COL4A1: variants seen among roughly 807,000 people sequenced by gnomAD.
COL4A1 encodes collagen alpha-1(IV) chain.
COL4A1 carries 40 observed loss-of-function variants against 216.6 expected under a neutral mutation model. That is an observed-to-expected ratio of 0.18 (90% CI 0.14 to 0.24). The LOEUF is 0.24. Among genes scored for constraint, COL4A1 ranks in the 10% least tolerant of loss-of-function variants. COL4A1 has a pLI of 1.00. For missense variants in COL4A1, 1,628 were observed against 2,196.8 expected (o/e 0.74, Z 5.18); for synonymous variants, 839 against 810.7 (o/e 1.03, Z -0.59).
At chr13:110,160,968 C>T (rs1272505087) in intron 49 of COL4A1, 4 of 578,562 alleles carry the variant, frequency 6.9e-6, no homozygotes, top group Non-Finnish European at 1.2e-5. Context: ...CTCGGCTTCC[C>T]AAAGTGTTGG....
rs201126599 is a variant in COL4A1, at chr13:110,251,496, A to AC, written c.85-8763dup. On this transcript the variant is annotated intron_variant, in intron 1 of 51. Transcript: ENST00000375820. ...TACTGCACGCCTGCATGGGCCAGGC[A>AC]CCCCCCAGTGCTAAGAATACAGAGC... is the stretch of plus-strand genomic sequence containing the variant. Among the ~76,000 whole-genome samples, 735 of 152,314 alleles carry AC rather than the reference A, an allele frequency of 4.8e-3. 5 individuals are homozygous for AC. Among genetic ancestry groups the AC allele is most frequent in the African/African-American group, 0.016 (681 of 41,556 alleles).
chr13:110,211,193 A>C lies in COL4A1; in HGVS notation c.468+454T>G, dbSNP rs1463827063. Reference sequence around the variant, plus strand: ...GCTGATCCCAACATCCAGATGCCCGAGGTCCCCGCCCTGTGCCCAAGCACA... The same window carrying C: ...GCTGATCCCAACATCCAGATGCCCGCGGTCCCCGCCCTGTGCCCAAGCACA... On this transcript the variant is annotated intron_variant, in intron 8 of 51. Transcript: ENST00000375820. The surrounding 1 kb of genome is among the most constrained non-coding windows in gnomAD (Gnocchi z 4.3). 6.6e-6 allele frequency among the ~76,000 whole-genome samples: 1 copy of C among 152,214 alleles called. No individual in the cohort carries two copies.
chr13:110,248,612 C>G (rs1881941974), intron 1 of COL4A1, among the ~76,000 whole-genome samples: 1 of 152,244 alleles, frequency 6.6e-6, no homozygotes, highest in Non-Finnish European at 1.5e-5. Flanking sequence ...CTGCCTCAGC[C>G]TCCCGAGTGG....
intron 1 of COL4A1, among the ~76,000 whole-genome samples, chr13:110,243,666 T>A (rs1881662606): frequency 6.6e-6 from 1 of 152,190 alleles, no homozygotes; most frequent in Admixed American, 6.5e-5. Context: ...TGGAAGGAAA[T>A]GAATCCAAGC....
At chr13:110,284,533 G>A (rs548151726) in intron 1 of COL4A1, among the ~76,000 whole-genome samples, 224 of 152,290 alleles carry the variant, frequency 1.5e-3, no homozygotes, top group African/African-American at 4.6e-3. Flanking sequence ...CAAGAATGTA[G>A]AAGTAGAAAG....
chr13:110,267,042 G>A (rs1433284354), intron 1 of COL4A1, among the ~76,000 whole-genome samples: 1 of 152,208 alleles, frequency 6.6e-6, no homozygotes. Context: ...CAGCAGCCAA[G>A]GGCAAATGTG....
chr13:110,167,322 T>A, intron 43 of COL4A1, 92 bp from the exon 44 acceptor site: 1 of 961,854 alleles, frequency 1.0e-6, no homozygotes. Flanking sequence ...AAACAGCCCC[T>A]CAATGTTCTG....
At chr13:110,290,308 A>C (rs1415749252) in intron 1 of COL4A1, among the ~76,000 whole-genome samples, 1 of 152,316 alleles carries the variant, frequency 6.6e-6, no homozygotes. Flanking sequence ...TTTGATTTCC[A>C]GACTCCCCAG....
intron 2 of COL4A1, among the ~76,000 whole-genome samples, chr13:110,236,565 A>G (rs1336118452): frequency 6.6e-6 from 1 of 152,230 alleles, no homozygotes; most frequent in Non-Finnish European, 1.5e-5. Context: ...GCACAAGTCG[A>G]TGATCCTGAG....
In COL4A1 at chr13:110,268,682, C is replaced by G. The variant is rs183580502; in HGVS notation, c.85-25948G>C. Among the ~76,000 whole-genome samples the G allele has an allele frequency of 1.1e-3, 175 of 152,310 alleles. 1 individual carries two copies. Among genetic ancestry groups the G allele is most frequent in the African/African-American group, 4.0e-3 (168 of 41,570 alleles). ...CCAAGGGGCTCTACCTCTCCAAACCCGGGTGCCTTGTCCATGACCCCATGT... is the reference window on the plus strand; with the variant it reads ...CCAAGGGGCTCTACCTCTCCAAACCGGGGTGCCTTGTCCATGACCCCATGT... On this transcript the variant is annotated intron_variant, in intron 1 of 51. Transcript: ENST00000375820. The surrounding 1 kb of genome is among the most constrained non-coding windows in gnomAD (Gnocchi z 4.1).
intron 2 of COL4A1, among the ~76,000 whole-genome samples, chr13:110,219,856 G>GTATA (rs371792497): frequency 9.9e-5 from 4 of 40,348 alleles, no homozygotes; most frequent in African/African-American, 2.5e-4. Context: ...GTATATATAT[G>GTATA]TATATATGTG....
intron 1 of COL4A1, among the ~76,000 whole-genome samples, chr13:110,288,999 C>T (rs1249900121): frequency 6.6e-6 from 1 of 152,094 alleles, no homozygotes; most frequent in Non-Finnish European, 1.5e-5. Flanking sequence ...GATCGTGCCA[C>T]TGCACTCCAG....
chr13:110,191,523 T>C (rs1002597376), intron 24 of COL4A1: 39 of 533,262 alleles, frequency 7.3e-5, no homozygotes, highest in Admixed American at 7.1e-4. Context: ...AGATTATTAT[T>C]ATGCTCTTCT....
intron 2 of COL4A1, among the ~76,000 whole-genome samples, chr13:110,241,905 C>G: frequency 6.6e-6 from 1 of 152,306 alleles, no homozygotes; most frequent in East Asian, 1.9e-4. Flanking sequence ...TACAGAGTAT[C>G]CACTCCATTC....
In COL4A1 at chr13:110,198,473, A is replaced by G; in HGVS notation, c.1279T>C (p.Tyr427His). ...GSPGPPGQPGYTNGIVECQPG... is the reference protein window; with the variant it reads ...GSPGPPGQPGHTNGIVECQPG... ...CATTTCTGAGGGAACTCACTTGTGTAGCCAGGCTGCCCAGGGGGCCCAGGG... is the reference window on the plus strand; with the variant it reads ...CATTTCTGAGGGAACTCACTTGTGTGGCCAGGCTGCCCAGGGGGCCCAGGG... Residue 427 changes from tyrosine to histidine, a missense_variant, in exon 21 of 52, where the codon TAC becomes CAC. By Grantham distance (83) the Tyr-to-His change is moderately conservative. Transcript: ENST00000375820. 4 of 1,613,788 alleles carry G rather than the reference A, an allele frequency of 2.5e-6. No homozygotes were observed. The highest frequency in any genetic ancestry group is 3.4e-6 in the Non-Finnish European group (4 of 1,179,970).
chr13:110,161,132 T>G, intron 49 of COL4A1, 60 bp downstream of exon 49: 1 of 1,542,802 alleles, frequency 6.5e-7, no homozygotes. Flanking sequence ...CATATGCTTG[T>G]CCAGACTAGA....
intron 12 of COL4A1, among the ~76,000 whole-genome samples, chr13:110,208,348 C>T (rs1473358171): frequency 6.6e-5 from 10 of 152,050 alleles, no homozygotes; most frequent in East Asian, 5.8e-4. Flanking sequence ...GCCGGTGGTG[C>T]GGGGCCACTG....
At chr13:110,228,819 G>A (rs568986096) in intron 2 of COL4A1, among the ~76,000 whole-genome samples, 15 of 152,168 alleles carry the variant, frequency 9.9e-5, no homozygotes, top group Non-Finnish European at 1.5e-4. Flanking sequence ...AAGTACTAGC[G>A]TCCACTTCAC....
At chr13:110,192,160 A>T (rs1293956696) in intron 24 of COL4A1, 54 bp downstream of exon 24, 5 of 1,565,890 alleles carry the variant, frequency 3.2e-6, no homozygotes, top group Non-Finnish European at 4.4e-6. Flanking sequence ...AACTCTGTCC[A>T]CGTGCTTGGT....
Sources: gnomAD v4.1 joint callset for allele counts (sites outside exome capture counted in the v4.1 genomes callset) on GRCh38, gnomAD v4.1.1 for gene constraint, Gnocchi (gnomAD v3.1) non-coding constraint, MANE v1.5 for transcripts, NCBI Gene and HGNC (gene_info 2026-07-23, HGNC 2026-07-21) for gene names.